Variants in SEMA4D observed in about 807,000 individuals in gnomAD.
SEMA4D encodes the protein semaphorin 4D, also known as semaphorin-4D.
SEMA4D carries 22 observed loss-of-function variants against 74.8 expected under a neutral mutation model. The ratio of observed to expected loss-of-function variants is 0.29; its 90% CI spans 0.21 to 0.42. The LOEUF is 0.42. SEMA4D is among the 10% of genes least tolerant of loss of function. The probability of loss-of-function intolerance (pLI) is 1.00; values close to 1 mark genes in which losing one functional copy is unlikely to be tolerated. For synonymous variants in SEMA4D, 445 were observed against 463.7 expected, an observed-to-expected ratio of 0.96 and a Z score of 0.52; for missense variants, 937 against 1,118.4, an observed-to-expected ratio of 0.84 and a Z score of 2.31.
At chr9:89,481,382 T>C (rs1824662467) in intron 1 of SEMA4D, among the ~76,000 whole-genome samples, 1 of 152,026 alleles carries the variant, frequency 6.6e-6, no homozygotes, top group African/African-American at 2.4e-5. Context: ...GGGTGCCACG[T>C]GGGAGGTCTG....
chr9:89,407,045 A>G (rs1367367813), intron 2 of SEMA4D, among the ~76,000 whole-genome samples: 4 of 136,268 alleles, frequency 2.9e-5, no homozygotes, highest in Admixed American at 2.6e-4. Context: ...CTCCACCACC[A>G]TCACTCATCT....
intron 8 of SEMA4D, 148 bp from the exon 9 acceptor site, chr9:89,391,563 CAG>C: frequency 1.4e-6 from 1 of 728,360 alleles, no homozygotes. Context: ...ACAATCCAAA[CAG>C]AAACTCCAGG....
chr9:89,420,244 G>A (rs923503700), intron 2 of SEMA4D, among the ~76,000 whole-genome samples: 7 of 152,058 alleles, frequency 4.6e-5, no homozygotes, highest in East Asian at 1.9e-4. Flanking sequence ...CCCCAACCCC[G>A]CGTTGCCTTC....
In SEMA4D at chr9:89,405,507, G is replaced by T; in HGVS notation, c.-51C>A. 1 of 1,605,714 alleles carries T rather than the reference G, an allele frequency of 6.2e-7. No homozygotes were observed. Among genetic ancestry groups the T allele is most frequent in the East Asian group, 2.2e-5 (1 of 44,762 alleles). On this transcript the variant is annotated 5_prime_UTR_variant, in exon 3 of 16. Transcript: ENST00000422704. The stretch of plus-strand genomic sequence containing the variant: ...CAGCAGCAAAGGCTCACGGCAGCAG[G>T]TGGCCGGGCAGGTGTGCTATTGCAG...
chr9:89,376,676 T>C, downstream of SEMA4D: 1 of 1,092,862 alleles, frequency 9.2e-7, no homozygotes, highest in Non-Finnish European at 1.3e-6. Context: ...GGACCCACAA[T>C]GAAAGCGTGA....
intron 2 of SEMA4D, among the ~76,000 whole-genome samples, chr9:89,409,701 G>A (rs1025990512): frequency 7.9e-5 from 12 of 152,182 alleles, no homozygotes; most frequent in African/African-American, 2.9e-4. Context: ...CGGAGGGCTA[G>A]GAGCAGAGAC....
chr9:89,428,757 G>A (rs1271930079), intron 2 of SEMA4D, among the ~76,000 whole-genome samples: 2 of 152,248 alleles, frequency 1.3e-5, no homozygotes, highest in African/African-American at 4.8e-5. Context: ...CAGGGGCAGG[G>A]TGACAGACAT....
chr9:89,429,899 G>A (rs774375159), intron 2 of SEMA4D, among the ~76,000 whole-genome samples: 6 of 152,168 alleles, frequency 3.9e-5, no homozygotes, highest in African/African-American at 1.4e-4. Flanking sequence ...TGCAGCTGTG[G>A]GTTTCTGTTT....
chr9:89,386,427 C>T lies in SEMA4D; in HGVS notation c.1386G>A (p.Glu462=), dbSNP rs1838516579. The T allele has an allele frequency of 1.2e-6, 2 of 1,614,032 alleles. No homozygotes were observed. Among genetic ancestry groups the T allele is most frequent in the African/African-American group, 1.3e-5 (1 of 74,914 alleles). Residue 462 remains glutamate (E), a synonymous_variant, in exon 13 of 16, where the codon GAG becomes GAA. Coordinates refer to ENST00000422704, the MANE Select transcript of SEMA4D (RefSeq NM_001371194.2). ...CAAAGTCCTGGAAGAGCTGGGTCTC[C>T]TCGATGATGTGAACAGCGTGCTCGA... ...ISLEHAVHII[E]ETQLFQDFEP...
Position 89,381,986 on chromosome 9 carries a change from G to A in SEMA4D, c.1447-640C>T, listed in dbSNP as rs1440243998. The A allele has an allele frequency of 6.6e-6, 1 of 152,280 alleles. No homozygotes were observed. Among genetic ancestry groups the A allele is most frequent in the African/African-American group, 2.4e-5 (1 of 41,470 alleles). The allele number at this position is 152,280 out of a possible 1,614,324, so 9.4% of individuals were successfully genotyped here. A position where few individuals can be genotyped will look rare whatever the true frequency, so the allele number is the denominator to read the frequency against. Reference sequence around the variant, plus strand: ...ACTTATCTATATGTAAAAGGGAAGAGCTCACAGACGGGAAGTCAACCTCCG... The same window carrying A: ...ACTTATCTATATGTAAAAGGGAAGAACTCACAGACGGGAAGTCAACCTCCG... On this transcript the variant is annotated intron_variant, in intron 13 of 15. Transcript: ENST00000422704. This position sits in a 1 kb window ranked among gnomAD's most constrained non-coding sequence, Gnocchi z 4.6.
intron 2 of SEMA4D, among the ~76,000 whole-genome samples, chr9:89,451,632 C>CT (rs1854524783): frequency 6.6e-6 from 1 of 152,176 alleles, no homozygotes; most frequent in African/African-American, 2.4e-5. Context: ...ATTGCTGGGA[C>CT]TTTGTAGAGA....
intron 2 of SEMA4D, among the ~76,000 whole-genome samples, chr9:89,435,132 TG>T (rs1850121518): frequency 1.3e-5 from 2 of 152,148 alleles, no homozygotes; most frequent in African/African-American, 4.8e-5. Context: ...GCACGGGGGC[TG>T]CACATCCCCC....
At chr9:89,461,437 G>T (rs1295862179) in intron 1 of SEMA4D, among the ~76,000 whole-genome samples, 1 of 152,150 alleles carries the variant, frequency 6.6e-6, no homozygotes, top group Non-Finnish European at 1.5e-5. Flanking sequence ...GCTCCAAATT[G>T]TATGTTTGCG....
intron 2 of SEMA4D, among the ~76,000 whole-genome samples, chr9:89,407,815 G>A (rs1401700747): frequency 1.3e-5 from 2 of 152,212 alleles, no homozygotes; most frequent in East Asian, 3.8e-4. Flanking sequence ...TGTAACGGCT[G>A]TCTCTCCTGC....
At chr9:89,374,152 C>G (rs946908071), downstream of SEMA4D, among the ~76,000 whole-genome samples, 3 of 152,184 alleles carry the variant, frequency 2.0e-5, no homozygotes, top group African/African-American at 7.2e-5. Flanking sequence ...AAAGTAAAGA[C>G]CACGTGAAAA....
Position 89,393,770 on chromosome 9 carries a change from C to G in SEMA4D, c.415-115G>C, listed in dbSNP as rs1045068464. 1.8e-5 allele frequency: 14 copies of G among 764,876 alleles called. No individual in the cohort carries two copies. The Admixed American group carries it at 2.6e-4, about 14-fold the overall frequency. 47.4% of individuals were successfully genotyped at this position (764,876 alleles called of 1,614,324 possible). On this transcript the variant is annotated intron_variant, in intron 6 of 15. Coordinates refer to ENST00000422704, the MANE Select transcript of SEMA4D (RefSeq NM_001371194.2). The stretch of plus-strand genomic sequence containing the variant: ...GCTCTTCTCGGAAGACCAACAGGGC[C>G]GAGCAGATAGGTGTGGAGCTACAGG...
chr9:89,381,074 G>A lies in SEMA4D; in HGVS notation c.1644C>T (p.Gly548=), dbSNP rs758241559. ...PSRGLIQEMS[G]DASVCPDKSK... ...ACTCACCCGGGCACACAGAAGCATCGCCGCTCATCTCCTGAATCAAACCCC... is the reference window on the plus strand; with the variant it reads ...ACTCACCCGGGCACACAGAAGCATCACCGCTCATCTCCTGAATCAAACCCC... The change falls in exon 15 of 16, where the codon GGC becomes GGT. Residue 548 remains glycine (G), a synonymous_variant. Transcript: ENST00000422704. The surrounding 1 kb of genome is among the most constrained non-coding windows in gnomAD (Gnocchi z 4.6). The A allele has an allele frequency of 8.7e-6, 14 of 1,613,948 alleles. No individual in the cohort carries two copies. The highest frequency in any genetic ancestry group is 3.3e-4 in the Middle Eastern group (2 of 6,084).
chr9:89,441,985 T>C (rs545827573), intron 2 of SEMA4D, among the ~76,000 whole-genome samples: 255 of 152,340 alleles, frequency 1.7e-3, no homozygotes, highest in African/African-American at 5.8e-3. Context: ...TCTTCCCCAT[T>C]GGACTGTAAG....
intron 2 of SEMA4D, among the ~76,000 whole-genome samples, chr9:89,433,211 A>G (rs1478074656): frequency 6.6e-6 from 1 of 152,236 alleles, no homozygotes; most frequent in Admixed American, 6.5e-5. Context: ...CTATAGAGGC[A>G]TGGATGTAGC....
Sources: allele counts gnomAD v4.1 joint callset (sites outside exome capture counted in the v4.1 genomes callset), GRCh38; gene constraint gnomAD v4.1.1; non-coding constraint Gnocchi (gnomAD v3.1); transcripts MANE v1.5; gene names NCBI Gene and HGNC (gene_info 2026-07-23, HGNC 2026-07-21).